EYA2: variants seen among roughly 807,000 people sequenced by gnomAD.
EYA2 encodes EYA transcriptional coactivator and phosphatase 2.
EYA2 carries 31 observed loss-of-function variants against 69.2 expected under a neutral mutation model. That is an observed-to-expected ratio of 0.45 (90% CI 0.34 to 0.60). EYA2 has a LOEUF of 0.60. EYA2 is among the 20% of genes least tolerant of loss of function. The pLI, the probability that EYA2 is intolerant of heterozygous loss-of-function variation, is 0.02. For missense variants in EYA2, 622 were observed against 701.2 expected, an observed-to-expected ratio of 0.89 and a Z score of 1.28; for synonymous variants, 257 against 279.4, an observed-to-expected ratio of 0.92 and a Z score of 0.80.
At chr20:47,130,418 T>C (rs1011808664) in intron 9 of EYA2, among the ~76,000 whole-genome samples, 57 of 151,006 alleles carry the variant, frequency 3.8e-4, no homozygotes, top group South Asian at 1.3e-3. Context: ...GCGCCCGCCA[T>C]CACGCCCCGC....
intron 10 of EYA2, among the ~76,000 whole-genome samples, chr20:47,163,288 C>T (rs1356851680): frequency 6.6e-6 from 1 of 152,154 alleles, no homozygotes; most frequent in Non-Finnish European, 1.5e-5. Flanking sequence ...ACCTTGGCCT[C>T]CCAAAGTGCT....
At chr20:47,146,481 C>T (rs186252961) in intron 10 of EYA2, among the ~76,000 whole-genome samples, 2 of 152,336 alleles carry the variant, frequency 1.3e-5, no homozygotes, top group Admixed American at 1.3e-4. Flanking sequence ...GCTGGAGCTA[C>T]TTAGGGAAGC....
chr20:47,035,138 G>T (rs55980680), intron 5 of EYA2, among the ~76,000 whole-genome samples: 26,259 of 152,200 alleles, frequency 0.17, 2,410 homozygotes, highest in African/African-American at 0.22. Flanking sequence ...TGGCTGAGCT[G>T]CAAGAGGCTT....
intron 1 of EYA2, among the ~76,000 whole-genome samples, chr20:46,917,757 A>G (rs1984978634): frequency 6.6e-6 from 1 of 152,222 alleles, no homozygotes; most frequent in Admixed American, 6.5e-5. Context: ...AAAATACTTC[A>G]TTGCTAAAAA....
intron 1 of EYA2, among the ~76,000 whole-genome samples, chr20:46,982,723 G>A (rs1980913082): frequency 6.7e-6 from 1 of 150,070 alleles, no homozygotes; most frequent in Admixed American, 6.6e-5. Context: ...TAGTTCAACT[G>A]ATCTATTGAG....
intron 8 of EYA2, among the ~76,000 whole-genome samples, chr20:47,093,244 GTGTT>G (rs1414115693): frequency 5.9e-5 from 9 of 152,188 alleles, no homozygotes; most frequent in Admixed American, 5.9e-4. Flanking sequence ...TCCTGGTAAA[GTGTT>G]AGTTTGTTTG....
At chr20:46,895,121 A>G (rs1983732773) in intron 1 of EYA2, 134 bp downstream of exon 1, 2 of 152,336 alleles carry the variant, frequency 1.3e-5, no homozygotes, top group South Asian at 4.2e-4. Flanking sequence ...AGCTGTCGGG[A>G]CGTTCTGGGG....
At chr20:47,056,240 C>T (rs2030602735) in intron 5 of EYA2, among the ~76,000 whole-genome samples, 1 of 152,154 alleles carries the variant, frequency 6.6e-6, no homozygotes, top group Non-Finnish European at 1.5e-5. Context: ...AAGGACTTGA[C>T]GACTCACAGC....
chr20:46,897,384 G>A (rs747981932), intron 1 of EYA2, among the ~76,000 whole-genome samples: 1 of 152,186 alleles, frequency 6.6e-6, no homozygotes, highest in African/African-American at 2.4e-5. Flanking sequence ...ACTTTAAGAC[G>A]TTGTTGGATC....
intron 1 of EYA2, among the ~76,000 whole-genome samples, chr20:46,944,520 T>C (rs996825576): frequency 6.6e-5 from 10 of 152,096 alleles, no homozygotes; most frequent in Non-Finnish European, 1.2e-4. Flanking sequence ...GCCACCAGTG[T>C]CCCTGCATCT....
At position 46,969,751 on chromosome 20, in the gene EYA2, A is replaced by G. The variant is rs1446615520; in HGVS notation, c.-10-20250A>G. Among the ~76,000 whole-genome samples the G allele has an allele frequency of 2.0e-5, 3 of 152,188 alleles. No homozygotes were observed. The East Asian group carries it at 5.8e-4, about 29-fold the overall frequency. Reference sequence around the variant, plus strand: ...CCCACAATGCACTCTTTGGGGGTTCATTTAATTTTTCTTAGCAGGTTCTGG... The same window carrying G: ...CCCACAATGCACTCTTTGGGGGTTCGTTTAATTTTTCTTAGCAGGTTCTGG... On this transcript the variant is annotated intron_variant, in intron 1 of 15. Coordinates refer to ENST00000327619, the MANE Select transcript of EYA2 (RefSeq NM_005244.5).
chr20:47,056,261 ATGTGGACCAGGCGTCC>A (rs1407878065), intron 5 of EYA2, among the ~76,000 whole-genome samples: 1 of 152,156 alleles, frequency 6.6e-6, no homozygotes, highest in Non-Finnish European at 1.5e-5. Flanking sequence ...AGCAAGGCAG[ATGTGGACCAGGCGTCC>A]TGTTGGTCTC....
At chr20:46,922,735 A>T (rs1985235178) in intron 1 of EYA2, among the ~76,000 whole-genome samples, 1 of 152,190 alleles carries the variant, frequency 6.6e-6, no homozygotes, top group Admixed American at 6.5e-5. Flanking sequence ...CATCATCAAT[A>T]GATGCTGAAT....
intron 12 of EYA2, among the ~76,000 whole-genome samples, chr20:47,176,345 A>G (rs564194854): frequency 2.6e-4 from 40 of 151,388 alleles, no homozygotes; most frequent in African/African-American, 9.5e-4. Flanking sequence ...CTCCCAAAGT[A>G]CTGGGATTAC....
At chr20:46,985,225 C>T (rs927328077) in intron 1 of EYA2, among the ~76,000 whole-genome samples, 3 of 152,168 alleles carry the variant, frequency 2.0e-5, no homozygotes, top group Non-Finnish European at 2.9e-5. Flanking sequence ...CTCCCTCTGC[C>T]CCTTCTTTCC....
chr20:47,116,695 C>A (rs980450945), intron 9 of EYA2, among the ~76,000 whole-genome samples: 1 of 152,198 alleles, frequency 6.6e-6, no homozygotes. Flanking sequence ...CCTTCCTTCC[C>A]CTCCACTCTC....
intron 5 of EYA2, among the ~76,000 whole-genome samples, chr20:47,064,594 A>C (rs1450980980): frequency 6.6e-6 from 1 of 152,234 alleles, no homozygotes; most frequent in African/African-American, 2.4e-5. Context: ...ACCGTTTTAC[A>C]TTCCACCAGC....
At chr20:46,936,720 C>T (rs1338359491) in intron 1 of EYA2, among the ~76,000 whole-genome samples, 1 of 152,118 alleles carries the variant, frequency 6.6e-6, no homozygotes, top group South Asian at 2.1e-4. Context: ...GAGGCTGGCT[C>T]CCCTCCCCTG....
chr20:46,911,466 T>C (rs1984640590), intron 1 of EYA2, among the ~76,000 whole-genome samples: 1 of 152,224 alleles, frequency 6.6e-6, no homozygotes, highest in Non-Finnish European at 1.5e-5. Flanking sequence ...TGATTTTTGA[T>C]TTAGTCCTAA....
Sources: allele counts gnomAD v4.1 joint callset (sites outside exome capture counted in the v4.1 genomes callset), GRCh38; gene constraint gnomAD v4.1.1; transcripts MANE v1.5; gene names NCBI Gene and HGNC (gene_info 2026-07-23, HGNC 2026-07-21).